EHMT1: variants seen among roughly 807,000 people sequenced by gnomAD.
EHMT1 encodes the protein euchromatic histone lysine methyltransferase 1.
A neutral mutation model predicts 147.2 loss-of-function variants in EHMT1; 15 were observed. The ratio of observed to expected loss-of-function variants is 0.10; its 90% confidence interval spans 0.07 to 0.16. The LOEUF (loss-of-function observed/expected upper bound fraction) is 0.16. Ranked by LOEUF, EHMT1 falls within the 10% of genes least tolerant of loss-of-function variation. The probability of loss-of-function intolerance (pLI) is 1.00; values close to 1 mark genes in which losing one functional copy is unlikely to be tolerated. For synonymous variants in EHMT1, 795 were observed against 709.6 expected, an observed-to-expected ratio of 1.12 and a Z score of -1.91; for missense variants, 1,587 against 1,772.4, an observed-to-expected ratio of 0.90 and a Z score of 1.88.
intron 18 of EHMT1, among the ~76,000 whole-genome samples, chr9:137,809,378 T>G (rs13440143): frequency 0.14 from 21,817 of 152,234 alleles, 5,110 homozygotes; most frequent in African/African-American, 0.49. Context: ...TGACCCTGCC[T>G]ACCTGCAGAG....
At chr9:137,639,081 A>G (rs189322616) in intron 1 of EHMT1, among the ~76,000 whole-genome samples, 50 of 152,240 alleles carry the variant, frequency 3.3e-4, no homozygotes, top group Non-Finnish European at 5.1e-4. Context: ...AATATTTTCT[A>G]TTTTCCCTTG....
At chr9:137,772,787 C>T (rs932100409) in intron 10 of EHMT1, among the ~76,000 whole-genome samples, 2 of 152,236 alleles carry the variant, frequency 1.3e-5, no homozygotes, top group African/African-American at 4.8e-5. Flanking sequence ...GGTGCCCCTC[C>T]CACCCATGGT....
intron 4 of EHMT1, among the ~76,000 whole-genome samples, chr9:137,730,939 T>C (rs1947056960): frequency 6.6e-6 from 1 of 152,268 alleles, no homozygotes; most frequent in South Asian, 2.1e-4. Context: ...TTTTATTTGT[T>C]TGAAACAGTT....
At chr9:137,647,241 G>A (rs1033533938) in intron 1 of EHMT1, among the ~76,000 whole-genome samples, 4 of 152,052 alleles carry the variant, frequency 2.6e-5, no homozygotes, top group Admixed American at 2.6e-4. Context: ...CCAGTCCTCT[G>A]TTGACCCCAG....
intron 15 of EHMT1, chr9:137,788,125 A>C: frequency 4.9e-6 from 6 of 1,227,992 alleles, no homozygotes; most frequent in Non-Finnish European, 6.7e-6. Context: ...GGCCTCTCAG[A>C]GGAGGGCAGG....
At chr9:137,799,141 C>T (rs958046019) in intron 17 of EHMT1, among the ~76,000 whole-genome samples, 1 of 152,034 alleles carries the variant, frequency 6.6e-6, no homozygotes, top group Non-Finnish European at 1.5e-5. Flanking sequence ...TCCTCTTCCA[C>T]ACTCAGGGCC....
chr9:137,829,451 G>A lies in EHMT1; in HGVS notation c.3541-4898G>A, dbSNP rs566091314. Among the ~76,000 whole-genome samples, 10 of 152,320 alleles carry A rather than the reference G, an allele frequency of 6.6e-5. No homozygotes were observed. The South Asian group carries it at 1.4e-3, about 22-fold the overall frequency. On this transcript the variant is annotated intron_variant, in intron 25 of 26. Transcript: ENST00000460843. Reference sequence around the variant, plus strand: ...TGTTTCATCCTTTTTTGCTGATACAGTGTAAAGTTAGTTACAAATGTGACA... The same window carrying A: ...TGTTTCATCCTTTTTTGCTGATACAATGTAAAGTTAGTTACAAATGTGACA...
rs989633625 is a variant in EHMT1 at position 137,726,794 on chromosome 9, A to G, written c.643-1555A>G. ...TTCTGTTCTTTCCTAGTAGCCATCC[A>G]TGCTGCTCACTGTGGTTTCCATATG... On this transcript the variant is annotated intron_variant, in intron 3 of 26. Transcript: ENST00000460843. 4.6e-5 allele frequency among the ~76,000 whole-genome samples: 7 copies of G among 152,320 alleles called. 1 individual carries two copies. In the East Asian group the frequency reaches 5.8e-4, roughly 13 times the overall value.
chr9:137,635,391 A>ATT (rs1173744130), intron 1 of EHMT1, among the ~76,000 whole-genome samples: 1 of 150,366 alleles, frequency 6.7e-6, no homozygotes, highest in Non-Finnish European at 1.5e-5. Flanking sequence ...TTTTTAATGT[A>ATT]TTTTTGGTAG....
rs527549382 is a variant in EHMT1, at chr9:137,677,910, GA to G, written c.22-33045del. 1.9e-3 allele frequency among the ~76,000 whole-genome samples: 264 copies of G among 140,098 alleles called. 2 individuals are homozygous for G. The highest frequency in any genetic ancestry group is 4.3e-3 in the African/African-American group (165 of 38,746). 91.9% of individuals were successfully genotyped at this position (140,098 alleles called of 152,430 possible). On this transcript the variant is annotated intron_variant, in intron 1 of 26. Coordinates refer to ENST00000460843, the MANE Select transcript of EHMT1 (RefSeq NM_024757.5). ...CGTCTCGACTAAAAATACAAAAAAA[GA>G]AAAAAAAAAAAGCCGGGCGTGGCGG...
chr9:137,619,145 C>CAGG, intron 1 of EHMT1, 96 bp downstream of exon 1: 1 of 306,600 alleles, frequency 3.3e-6, no homozygotes, highest in Non-Finnish European at 4.6e-6. Context: ...CGGCAGGCGG[C>CAGG]CGGCGGGCGG....
chr9:137,728,300 TG>T, intron 3 of EHMT1, 48 bp from the exon 4 acceptor site: 2 of 1,613,072 alleles, frequency 1.2e-6, no homozygotes, highest in South Asian at 2.2e-5. Context: ...GTTATTTCAG[TG>T]ACCACCTGCT....
chr9:137,686,782 G>A (rs1472890165), intron 1 of EHMT1, among the ~76,000 whole-genome samples: 2 of 148,336 alleles, frequency 1.3e-5, no homozygotes, highest in African/African-American at 5.1e-5. Flanking sequence ...CCAGGCTAGA[G>A]TGCAGTGGCG....
At chr9:137,672,677 C>A (rs1940817219) in intron 1 of EHMT1, among the ~76,000 whole-genome samples, 1 of 152,258 alleles carries the variant, frequency 6.6e-6, no homozygotes. Context: ...TCTCGTAGAG[C>A]TGACATTCTG....
In EHMT1 at chr9:137,776,470, C is replaced by T; in HGVS notation, c.1792-148C>T. The T allele has an allele frequency of 1.4e-6, 1 of 718,162 alleles. No individual in the cohort carries two copies. Among genetic ancestry groups the T allele is most frequent in the Non-Finnish European group, 2.4e-6 (1 of 418,730 alleles). The allele number at this position is 718,162 out of a possible 1,614,324, so 44.5% of individuals were successfully genotyped here. A position where few individuals can be genotyped will look rare whatever the true frequency, so the allele number is the denominator to read the frequency against. On this transcript the variant is annotated intron_variant, in intron 11 of 26. Coordinates refer to ENST00000460843, the MANE Select transcript of EHMT1 (RefSeq NM_024757.5). This position sits in a 1 kb window ranked among gnomAD's most constrained non-coding sequence, Gnocchi z 4.4. The stretch of plus-strand genomic sequence containing the variant: ...CATCGTTCCTCCTTCTTAACGATGC[C>T]TGGGGCCAAGACTGGACCCCACCCC...
chr9:137,630,334 A>G (rs1319097094), intron 1 of EHMT1, among the ~76,000 whole-genome samples: 1 of 152,228 alleles, frequency 6.6e-6, no homozygotes, highest in Non-Finnish European at 1.5e-5. Flanking sequence ...AAAGTAAACA[A>G]GAAGAGGCTG....
chr9:137,736,559 T>G (rs936177033), intron 4 of EHMT1, among the ~76,000 whole-genome samples: 2 of 152,258 alleles, frequency 1.3e-5, no homozygotes, highest in Non-Finnish European at 2.9e-5. Flanking sequence ...ATCGACCATA[T>G]GTTAGGCCAC....
At chr9:137,726,853 A>G (rs956646633) in intron 3 of EHMT1, among the ~76,000 whole-genome samples, 2 of 152,082 alleles carry the variant, frequency 1.3e-5, no homozygotes, top group Admixed American at 1.3e-4. Context: ...TTCTTTTTTC[A>G]TAGTAGCCAT....
chr9:137,809,879 G>A (rs1954279676), intron 18 of EHMT1, among the ~76,000 whole-genome samples: 1 of 150,096 alleles, frequency 6.7e-6, no homozygotes, highest in African/African-American at 2.5e-5. Flanking sequence ...GACCGTCGGT[G>A]ATGGGTCCGG....
Sources: gnomAD v4.1 joint callset for allele counts (sites outside exome capture counted in the v4.1 genomes callset) on GRCh38, gnomAD v4.1.1 for gene constraint, Gnocchi (gnomAD v3.1) non-coding constraint, MANE v1.5 for transcripts, NCBI Gene and HGNC (gene_info 2026-07-23, HGNC 2026-07-21) for gene names.